FADS6: variants seen among roughly 807,000 people sequenced by gnomAD.
FADS6 encodes the protein fatty acid desaturase domain family, member 6.
FADS6 carries 28 observed loss-of-function variants against 31.7 expected under a neutral mutation model. The ratio of observed to expected loss-of-function variants is 0.88; its 90% CI spans 0.66 to 1.21. FADS6 has a LOEUF of 1.21. FADS6 is among the 50% of genes most tolerant of loss of function. The pLI is 0.00. For missense variants in FADS6, 494 were observed against 504.2 expected, an observed-to-expected ratio of 0.98 and a Z score of 0.19; for synonymous variants, 191 against 213.1, an observed-to-expected ratio of 0.90 and a Z score of 0.90.
At chr17:74,878,896 G>A in intron 5 of FADS6, 1 of 198,804 alleles carries the variant, frequency 5.0e-6, no homozygotes, top group Middle Eastern at 2.1e-3. Context: ...CGCCCTGCTA[G>A]TAAGAAACCT....
chr17:74,887,390 A>G (rs2038634536), intron 2 of FADS6, among the ~76,000 whole-genome samples: 1 of 152,162 alleles, frequency 6.6e-6, no homozygotes, highest in African/African-American at 2.4e-5. Context: ...CCATCTTGAT[A>G]GCCAAAAATA....
At chr17:74,882,983 C>T in intron 2 of FADS6, 1 of 692,864 alleles carries the variant, frequency 1.4e-6, no homozygotes, top group South Asian at 1.9e-5. Context: ...TGCCAATCTG[C>T]CAGTGACTGC....
In FADS6 at chr17:74,877,689, C is replaced by T. The variant is rs555726055; in HGVS notation, c.*642G>A. 1.8e-4 allele frequency: 177 copies of T among 985,480 alleles called. 1 individual carries two copies. In the African/African-American group the frequency reaches 2.8e-3, roughly 16 times the overall value. The allele number at this position is 985,480 out of a possible 1,614,324, so 61.0% of individuals were successfully genotyped here. A position where few individuals can be genotyped will look rare whatever the true frequency, so the allele number is the denominator to read the frequency against. ...CTGGGGAACCTTCTCCCCTCACTTCCCCTGGAGTTCCCTCCCGACAAAACA... is the reference window on the plus strand; with the variant it reads ...CTGGGGAACCTTCTCCCCTCACTTCTCCTGGAGTTCCCTCCCGACAAAACA... On this transcript the variant is annotated 3_prime_UTR_variant, in exon 6 of 6. Transcript: ENST00000612771.
Position 74,878,267 on chromosome 17 carries a change from G to T in FADS6, c.*64C>A. The T allele has an allele frequency of 6.6e-7, 1 of 1,523,572 alleles. No homozygotes were observed. The highest frequency in any genetic ancestry group is 8.8e-7 in the Non-Finnish European group (1 of 1,134,540). 94.4% of individuals were successfully genotyped at this position (1,523,572 alleles called of 1,614,324 possible). A position where few individuals can be genotyped will look rare whatever the true frequency, so the allele number is the denominator to read the frequency against. On this transcript the variant is annotated 3_prime_UTR_variant, in exon 6 of 6. Transcript: ENST00000612771. ...CCACTGAGCCACACCCCCTGGACCAGCAGCAGCAGGAGGGCCAGGGCCAGG... is the reference window on the plus strand; with the variant it reads ...CCACTGAGCCACACCCCCTGGACCATCAGCAGCAGGAGGGCCAGGGCCAGG...
chr17:74,892,904 A>C (rs490985), intron 1 of FADS6, among the ~76,000 whole-genome samples: 120,311 of 152,006 alleles, frequency 0.79, 48,154 homozygotes, highest in African/African-American at 0.91. Context: ...CTGACTCTCC[A>C]GTGCGTGGTC....
At chr17:74,880,874 G>C (rs913290118) in intron 4 of FADS6, among the ~76,000 whole-genome samples, 194 bp downstream of exon 4, 1 of 152,216 alleles carries the variant, frequency 6.6e-6, no homozygotes, top group African/African-American at 2.4e-5. Flanking sequence ...ATGATGAGTA[G>C]GATCTTGACT....
At position 74,881,266 on chromosome 17, in the gene FADS6, G is replaced by C; in HGVS notation, c.593-11C>G. 1.3e-6 allele frequency: 2 copies of C among 1,584,890 alleles called. No individual in the cohort carries two copies. The highest frequency in any genetic ancestry group is 1.7e-6 in the Non-Finnish European group (2 of 1,166,356). The stretch of plus-strand genomic sequence containing the variant: ...CCTTCCTCAGCCGCTCTGCCATAGA[G>C]GGAGGGGACAGGCAAGGCTCAGATC... On this transcript the variant is annotated splice_polypyrimidine_tract_variant and intron_variant, in intron 3 of 5. Transcript: ENST00000612771.
downstream of FADS6, among the ~76,000 whole-genome samples, chr17:74,876,345 C>G (rs2038508122): frequency 6.6e-6 from 1 of 152,202 alleles, no homozygotes; most frequent in South Asian, 2.1e-4. Context: ...CAGAGAATGA[C>G]TTGCATGTTC....
rs564164524 is a variant in FADS6, at chr17:74,889,462, C to T, written c.411+3061G>A. Among the ~76,000 whole-genome samples the T allele has an allele frequency of 9.2e-5, 14 of 151,894 alleles. No individual in the cohort carries two copies. The East Asian group carries it at 2.3e-3, about 25-fold the overall frequency. ...TCAAGAACGTGTCCTCTGCACCCTG[C>T]AGAGGCCCAGATGACACAGCACCCA... is the stretch of plus-strand genomic sequence containing the variant. On this transcript the variant is annotated intron_variant, in intron 2 of 5. Coordinates refer to ENST00000612771, the MANE Select transcript of FADS6 (RefSeq NM_178128.6).
intron 2 of FADS6, among the ~76,000 whole-genome samples, chr17:74,888,109 T>C (rs888066880): frequency 1.3e-4 from 20 of 150,634 alleles, no homozygotes; most frequent in Non-Finnish European, 2.1e-4. Context: ...GAGCATGGTG[T>C]AGGTGGAGCT....
At chr17:74,877,144 TCATCCG>T (rs2144699954), downstream of FADS6, among the ~76,000 whole-genome samples, 1 of 151,816 alleles carries the variant, frequency 6.6e-6, no homozygotes, top group East Asian at 1.9e-4. Context: ...CTCTCTGAGG[TCATCCG>T]TCCTCCGGAC....
Position 74,886,320 on chromosome 17 carries a change from C to T in FADS6, c.412-3610G>A, listed in dbSNP as rs534384618. ...ACTAAAAATACAAAAATTAGCAGAG[C>T]GTGGTGGTGCACGCCTGTACTCCCA... On this transcript the variant is annotated intron_variant, in intron 2 of 5. Transcript: ENST00000612771. Among the ~76,000 whole-genome samples, 9 of 150,480 alleles carry T rather than the reference C, an allele frequency of 6.0e-5. 1 individual carries two copies. The highest frequency in any genetic ancestry group is 4.0e-4 in the Admixed American group (6 of 15,128).
chr17:74,887,545 A>G (rs926250823), intron 2 of FADS6, among the ~76,000 whole-genome samples: 31 of 152,142 alleles, frequency 2.0e-4, no homozygotes, highest in Non-Finnish European at 4.4e-5. Context: ...AGTGGCTTAA[A>G]CTCCCAGATC....
At chr17:74,889,301 T>C (rs1428238288) in intron 2 of FADS6, among the ~76,000 whole-genome samples, 1 of 152,152 alleles carries the variant, frequency 6.6e-6, no homozygotes, top group African/African-American at 2.4e-5. Flanking sequence ...GCAATGAAGA[T>C]GTCTCCTGAG....
chr17:74,882,864 A>G, intron 2 of FADS6, 154 bp from the exon 3 acceptor site: 1 of 1,503,488 alleles, frequency 6.7e-7, no homozygotes, highest in Non-Finnish European at 8.9e-7. Context: ...CGCTTTGACC[A>G]TCAACTCTCA....
At chr17:74,888,555 G>C (rs1482902167) in intron 2 of FADS6, among the ~76,000 whole-genome samples, 1 of 152,074 alleles carries the variant, frequency 6.6e-6, no homozygotes, top group Non-Finnish European at 1.5e-5. Context: ...TCCTGGCCCT[G>C]TTTCCACCCC....
chr17:74,886,019 C>T (rs78627458), intron 2 of FADS6, among the ~76,000 whole-genome samples: 1 of 152,022 alleles, frequency 6.6e-6, no homozygotes, highest in African/African-American at 2.4e-5. Flanking sequence ...GCGGGCGGAT[C>T]ACGAGATCAG....
Position 74,893,556 on chromosome 17 carries a change from C to T in FADS6, c.40G>A (p.Glu14Lys). The T allele has an allele frequency of 7.1e-7, 1 of 1,407,850 alleles. No individual in the cohort carries two copies. The highest frequency in any genetic ancestry group is 1.4e-5 in the South Asian group (1 of 72,556). 87.2% of individuals were successfully genotyped at this position (1,407,850 alleles called of 1,614,324 possible). A position where few individuals can be genotyped will look rare whatever the true frequency, so the allele number is the denominator to read the frequency against. ...GTAGGTTCCATGGGCTCCGTAGGTTCCATGGGCTCCGTAGGTTCCATCGGC... is the reference window on the plus strand; with the variant it reads ...GTAGGTTCCATGGGCTCCGTAGGTTTCATGGGCTCCGTAGGTTCCATCGGC... ...TEPMEPTEPM[E>K]PTEPMEPTEP... The change falls in exon 1 of 6, where the codon GAA becomes AAA. Residue 14 changes from glutamate to lysine, a missense_variant. Around this residue, in one of 2 missense-constraint regions of FADS6, gnomAD observed 40 missense variants for 65.7 expected, o/e 0.61. Transcript: ENST00000612771.
intron 3 of FADS6, 76 bp from the exon 4 acceptor site, chr17:74,881,331 C>T: frequency 7.1e-7 from 1 of 1,412,594 alleles, no homozygotes; most frequent in East Asian, 2.5e-5. Flanking sequence ...CGTGCTAAAG[C>T]AGTGGCGGAG....
Sources: gnomAD v4.1 joint callset for allele counts (sites outside exome capture counted in the v4.1 genomes callset) on GRCh38, gnomAD v4.1.1 for gene constraint, gnomAD v4.1.1 regional missense constraint, MANE v1.5 for transcripts, NCBI Gene and HGNC (gene_info 2026-07-23, HGNC 2026-07-21) for gene names.